PRSS33: variants seen among roughly 807,000 people sequenced by gnomAD.
The protein encoded by PRSS33 is serine protease 33, also known as protease, serine 33.
In PRSS33, 32 loss-of-function variants were observed where a neutral mutation model predicts 26.7. The ratio of observed to expected loss-of-function variants is 1.20; its 90% CI spans 0.90 to 1.61. The LOEUF (loss-of-function observed/expected upper bound fraction) is 1.61, where lower values mean the gene tolerates loss of function less well. Among genes scored for constraint, PRSS33 ranks in the 40% most tolerant of loss-of-function variants. PRSS33 has a pLI of 0.00. For missense variants in PRSS33, 450 were observed against 396.3 expected (o/e 1.14, Z -1.15); for synonymous variants, 192 against 177.6 (o/e 1.08, Z -0.64).
intron 5 of PRSS33, 39 bp downstream of exon 5, chr16:2,785,336 G>A (rs2068860323): frequency 6.9e-7 from 1 of 1,456,510 alleles, no homozygotes; most frequent in Non-Finnish European, 9.0e-7. Context: ...AGGACGTGGG[G>A]GCTCCCGGAT....
chr16:2,785,314 G>A, intron 5 of PRSS33, 61 bp downstream of exon 5: 1 of 1,459,860 alleles, frequency 6.8e-7, no homozygotes, highest in Middle Eastern at 2.2e-4. Context: ...GGGATTTCCA[G>A]TCAGATGGAG....
chr16:2,785,547 C>G lies in PRSS33; in HGVS notation c.342G>C (p.Leu114=). The change falls in exon 5 of 7, where the codon CTG becomes CTC. Residue 114 remains leucine (L), a synonymous_variant. Transcript: ENST00000682474. ...CCCCGTCCTCGGAGTAGTCCGGGGG[C>G]AGCAGCACCCGTCGCACGGGCACCG... ...TLSVPVRRVL[L]PPDYSEDGAR... 6.5e-7 allele frequency: 1 copy of G among 1,527,964 alleles called. No homozygotes were observed. The highest frequency in any genetic ancestry group is 2.5e-5 in the East Asian group (1 of 40,230). 94.7% of individuals were successfully genotyped at this position (1,527,964 alleles called of 1,614,324 possible).
intron 6 of PRSS33, 70 bp from the exon 7 acceptor site, chr16:2,784,872 G>A (rs1312421725): frequency 1.9e-5 from 29 of 1,533,310 alleles, no homozygotes; most frequent in Non-Finnish European, 2.6e-5. Context: ...CAGACCCCTG[G>A]CGTGGTGCCT....
chr16:2,785,139 C>A lies in PRSS33; in HGVS notation c.547G>T (p.Val183Leu), dbSNP rs1373708061. ...CGCGAGTCCAGCAGCGGCACCCTTA[C>A]TCCTTGTAGCGGTCGCCACTCTGGG... is the stretch of plus-strand genomic sequence containing the variant. ...PLPEWRPLQG[V>L]RVPLLDSRTC... Residue 183 changes from valine to leucine, a missense_variant, in exon 6 of 7, where the codon GTA becomes TTA. Coordinates refer to ENST00000682474, the MANE Select transcript of PRSS33 (RefSeq NM_152891.3). 3.9e-6 allele frequency: 6 copies of A among 1,542,916 alleles called. No individual in the cohort carries two copies. The highest frequency in any genetic ancestry group is 5.2e-6 in the Non-Finnish European group (6 of 1,147,242).
chr16:2,786,259 TC>T (rs2150790235), intron 2 of PRSS33, 138 bp from the exon 3 acceptor site: 1 of 944,444 alleles, frequency 1.1e-6, no homozygotes, highest in East Asian at 2.6e-5. Flanking sequence ...CCGTCTGTTA[TC>T]TTATTTAACC....
rs570317500 is a variant in PRSS33, at chr16:2,786,846, G to A, written c.-57-242C>T. ...AAGCCCTGGAGCCTAACCCCCCTCG[G>A]TCATCCTCACTCCCTCCCTCATCCC... On this transcript the variant is annotated intron_variant, in intron 1 of 6. Transcript: ENST00000682474. 2.1e-3 allele frequency: 533 copies of A among 259,058 alleles called. 5 individuals are homozygous for A. Among genetic ancestry groups the A allele is most frequent in the African/African-American group, 0.013 (494 of 37,594 alleles). 16.0% of individuals were successfully genotyped at this position (259,058 alleles called of 1,614,324 possible).
rs1431903744 is a variant in PRSS33 at position 2,784,717 on chromosome 16, A to G, written c.770T>C (p.Leu257Pro). ...GGTGTAGACCCCTGGACGGTTGGGC[A>G]GGGCACAACCCTTGCCCCAGCTCAC... ...GVVSWGKGCA[L>P]PNRPGVYTSV... The change falls in exon 7 of 7, where the codon CTG (leucine) becomes CCG (proline). Residue 257 changes from leucine to proline, a missense_variant. Leu to Pro is a moderately conservative substitution (Grantham distance 98). Coordinates refer to ENST00000682474, the MANE Select transcript of PRSS33 (RefSeq NM_152891.3). 2 of 1,607,212 alleles carry G rather than the reference A, an allele frequency of 1.2e-6. No individual in the cohort carries two copies. The highest frequency in any genetic ancestry group is 2.2e-5 in the East Asian group (1 of 44,606).
Position 2,785,027 on chromosome 16 carries a change from G to A in PRSS33, c.659C>T (p.Pro220Leu), listed in dbSNP as rs1331892861. 5 of 1,594,398 alleles carry A rather than the reference G, an allele frequency of 3.1e-6. No homozygotes were observed. The highest frequency in any genetic ancestry group is 1.7e-5 in the Admixed American group (1 of 57,656). The change falls in exon 6 of 7, where the codon CCC becomes CTC. Residue 220 changes from proline (P) to leucine (L), a missense_variant. Physicochemically the swap from Pro to Leu is moderately conservative, Grantham distance 98 (BLOSUM62 -3). Coordinates refer to ENST00000682474, the MANE Select transcript of PRSS33 (RefSeq NM_152891.3). ...VLPGSLCAGY[P>L]QGHKDACQGD... ...CTGGCAGGCGTCCTTGTGGCCCTGG[G>A]GGTAGCCGGCACACAGACTCCCAGG...
At position 2,784,631 on chromosome 16, in the gene PRSS33, T is replaced by C; in HGVS notation, c.*13A>G. ...CCCAGCAGCTGGCTCCAGGTCAGCC[T>C]CACCGGCTAGCATTAGAAGCTGACG... On this transcript the variant is annotated 3_prime_UTR_variant, in exon 7 of 7. Coordinates refer to ENST00000682474, the MANE Select transcript of PRSS33 (RefSeq NM_152891.3). 6.4e-7 allele frequency: 1 copy of C among 1,572,772 alleles called. No individual in the cohort carries two copies. The highest frequency in any genetic ancestry group is 8.6e-7 in the Non-Finnish European group (1 of 1,157,492).
chr16:2,785,920 G>C lies in PRSS33; in HGVS notation c.121C>G (p.Arg41Gly). The C allele has an allele frequency of 6.2e-7, 1 of 1,612,126 alleles. No homozygotes were observed. Among genetic ancestry groups the C allele is most frequent in the Non-Finnish European group, 8.5e-7 (1 of 1,179,682 alleles). Residue 41 changes from arginine to glycine, a missense_variant, in exon 4 of 7, where the codon CGG becomes GGG. Transcript: ENST00000682474. ...GGCCACTCTCCGTCCCGGCCATCCCGGCCCCCAACGATCCGACTGGACATG... is the reference window on the plus strand; with the variant it reads ...GGCCACTCTCCGTCCCGGCCATCCCCGCCCCCAACGATCCGACTGGACATG... ...PRMSSRIVGG[R>G]DGRDGEWPWQ...
Position 2,785,855 on chromosome 16 carries a change from G to C in PRSS33, c.186C>G (p.Cys62Trp). The change falls in exon 4 of 7, where the codon TGC becomes TGG. Residue 62 changes from cysteine (C) to tryptophan (W), a missense_variant. Physicochemically the swap from Cys to Trp is radical, Grantham distance 215. Transcript: ENST00000682474. ...ASIQHRGAHV[C>W]GGSLIAPQWV... ...ACTGGGGGGCGATGAGCGACCCCCC[G>C]CACACGTGTGCCCCACGATGCTGGA... is the stretch of plus-strand genomic sequence containing the variant. 6.2e-7 allele frequency: 1 copy of C among 1,608,292 alleles called. No individual in the cohort carries two copies. The highest frequency in any genetic ancestry group is 8.5e-7 in the Non-Finnish European group (1 of 1,178,742).
In PRSS33 at chr16:2,785,951, C is replaced by G. The variant is rs1274862184; in HGVS notation, c.90G>C (p.Gln30His). 1.9e-6 allele frequency: 3 copies of G among 1,612,780 alleles called. No individual in the cohort carries two copies. Among genetic ancestry groups the G allele is most frequent in the South Asian group, 2.2e-5 (2 of 91,066 alleles). ...CAACGATCCGACTGGACATGCGGGG[C>G]TGCCCGCAGGCTAGAAAAGGACCAG... Reference protein sequence around the residue: ...TQGRKSAACGQPRMSSRIVGG... With the variant: ...TQGRKSAACGHPRMSSRIVGG... Residue 30 changes from glutamine to histidine, a missense_variant, in exon 4 of 7, where the codon CAG (glutamine) becomes CAC (histidine). Gln to His is a conservative substitution (Grantham distance 24, BLOSUM62 0). Coordinates refer to ENST00000682474, the MANE Select transcript of PRSS33 (RefSeq NM_152891.3).
chr16:2,785,596 C>G lies in PRSS33; in HGVS notation c.293G>C (p.Gly98Ala). The change falls in exon 5 of 7, where the codon GGC becomes GCC. Residue 98 changes from glycine (G) to alanine (A), a missense_variant. By Grantham distance (60) the Gly-to-Ala change is moderately conservative. Coordinates refer to ENST00000682474, the MANE Select transcript of PRSS33 (RefSeq NM_152891.3). ...CGAGAGCGTGCGGGGCGAGGTGGAG[C>G]CCAGACGCAGCGCCCCCAGGCGCAC... ...YRVRLGALRL[G>A]STSPRTLSVP... 2 of 1,517,524 alleles carry G rather than the reference C, an allele frequency of 1.3e-6. No homozygotes were observed. Among genetic ancestry groups the G allele is most frequent in the Non-Finnish European group, 8.8e-7 (1 of 1,139,832 alleles). The allele number at this position is 1,517,524 out of a possible 1,614,324, so 94.0% of individuals were successfully genotyped here.
Position 2,786,568 on chromosome 16 carries a change from G to A in PRSS33, c.-21C>T, listed in dbSNP as rs2068876551. The A allele has an allele frequency of 4.3e-6, 7 of 1,612,902 alleles. No homozygotes were observed. The highest frequency in any genetic ancestry group is 5.1e-6 in the Non-Finnish European group (6 of 1,179,536). Reference sequence around the variant, plus strand: ...CTCATTCTGTCTTCAAGGCTGGGCTGGGTAAGGGTGGCACTGCCTAGGGCT... The same window carrying A: ...CTCATTCTGTCTTCAAGGCTGGGCTAGGTAAGGGTGGCACTGCCTAGGGCT... On this transcript the variant is annotated 5_prime_UTR_variant, in exon 2 of 7. Transcript: ENST00000682474.
Position 2,785,679 on chromosome 16 carries a change from A to T in PRSS33, c.243-33T>A, listed in dbSNP as rs571528547. 148 of 1,467,978 alleles carry T rather than the reference A, an allele frequency of 1.0e-4. No homozygotes were observed. In the East Asian group the frequency reaches 3.6e-3, roughly 36 times the overall value. 90.9% of individuals were successfully genotyped at this position (1,467,978 alleles called of 1,614,324 possible). A position where few individuals can be genotyped will look rare whatever the true frequency, so the allele number is the denominator to read the frequency against. On this transcript the variant is annotated intron_variant, in intron 4 of 6. Coordinates refer to ENST00000682474, the MANE Select transcript of PRSS33 (RefSeq NM_152891.3). ...ACAGGAGCGGGGGACTACTTCCAGCACCGGGTCCTCGACCCCCTCCAGCCC... is the reference window on the plus strand; with the variant it reads ...ACAGGAGCGGGGGACTACTTCCAGCTCCGGGTCCTCGACCCCCTCCAGCCC...
rs1356174446 is a variant in PRSS33 at position 2,785,393 on chromosome 16, C to T, written c.496G>A (p.Gly166Ser). The T allele has an allele frequency of 2.1e-6, 3 of 1,432,528 alleles. No homozygotes were observed. The highest frequency in any genetic ancestry group is 3.0e-5 in the Admixed American group (1 of 33,194). The allele number at this position is 1,432,528 out of a possible 1,614,324, so 88.7% of individuals were successfully genotyped here. Reference sequence around the variant, plus strand: ...GCCTTACCTCCTGGGCGGAGGCTGCCCCAGCCGGTGACCCGGCATGGTGTG... The same window carrying T: ...GCCTTACCTCCTGGGCGGAGGCTGCTCCAGCCGGTGACCCGGCATGGTGTG... ...PGTPCRVTGW[G>S]SLRPGVPLPE... The change falls in exon 5 of 7, where the codon GGC (glycine) becomes AGC (serine). Residue 166 changes from glycine (G) to serine (S), a missense_variant. By Grantham distance (56) the Gly-to-Ser change is moderately conservative. Coordinates refer to ENST00000682474, the MANE Select transcript of PRSS33 (RefSeq NM_152891.3).
In PRSS33 at chr16:2,785,047, C is replaced by T. The variant is rs771837149; in HGVS notation, c.639G>A (p.Gly213=). Residue 213 remains glycine (G), a synonymous_variant, in exon 6 of 7, where the codon GGG becomes GGA. Transcript: ENST00000682474. ...VPQAERIVLP[G]SLCAGYPQGH... Reference sequence around the variant, plus strand: ...CCTGGGGGTAGCCGGCACACAGACTCCCAGGCAGCACAATGCGCTCAGCCT... The same window carrying T: ...CCTGGGGGTAGCCGGCACACAGACTTCCAGGCAGCACAATGCGCTCAGCCT... 8.8e-6 allele frequency: 14 copies of T among 1,587,024 alleles called. No homozygotes were observed. The highest frequency in any genetic ancestry group is 3.5e-5 in the Admixed American group (2 of 56,432).
chr16:2,785,352 G>A, intron 5 of PRSS33, 23 bp downstream of exon 5: 1 of 1,447,042 alleles, frequency 6.9e-7, no homozygotes, highest in Non-Finnish European at 9.0e-7. Flanking sequence ...CGGATGCCTC[G>A]GAGCCCCGCC....
At chr16:2,786,771 G>T in intron 1 of PRSS33, 167 bp from the exon 2 acceptor site, 1 of 530,808 alleles carries the variant, frequency 1.9e-6, no homozygotes, top group Non-Finnish European at 3.4e-6. Flanking sequence ...CCAGGGCCCA[G>T]GTATGCAGCA....
Sources: allele counts gnomAD v4.1 joint callset, GRCh38; gene constraint gnomAD v4.1.1; transcripts MANE v1.5; gene names NCBI Gene and HGNC (gene_info 2026-07-23, HGNC 2026-07-21).